Variants in DPT observed in about 807,000 individuals in gnomAD.
The protein encoded by DPT is tyrosine-rich acidic matrix protein.
In DPT, 21 loss-of-function variants were observed where a neutral mutation model predicts 31.2. The observed-to-expected ratio is 0.67, with a 90% CI of 0.48 to 0.97. DPT has a LOEUF of 0.97. Among genes scored for constraint, DPT ranks in the 50% least tolerant of loss-of-function variants. The pLI is 0.00. For missense variants in DPT, 262 were observed against 258.8 expected (o/e 1.01, Z -0.08); for synonymous variants, 91 against 86.9 (o/e 1.05, Z -0.26).
Position 168,695,853 on chromosome 1 carries a change from C to T in DPT, c.*696G>A, listed in dbSNP as rs1243144269. ...GTTTTTAATCTCATTTGAGAGTGATCCTCACGGGTTCCCCTGGCCCCTGCA... is the reference window on the plus strand; with the variant it reads ...GTTTTTAATCTCATTTGAGAGTGATTCTCACGGGTTCCCCTGGCCCCTGCA... On this transcript the variant is annotated 3_prime_UTR_variant, in exon 4 of 4. Transcript: ENST00000367817. 1 of 253,546 alleles carries T rather than the reference C, an allele frequency of 3.9e-6. No homozygotes were observed. Among genetic ancestry groups the T allele is most frequent in the Non-Finnish European group, 7.5e-6 (1 of 133,564 alleles). 15.7% of individuals were successfully genotyped at this position (253,546 alleles called of 1,614,324 possible). A position where few individuals can be genotyped will look rare whatever the true frequency, so the allele number is the denominator to read the frequency against.
At chr1:168,717,290 T>C (rs564051335) in intron 1 of DPT, among the ~76,000 whole-genome samples, 1 of 152,396 alleles carries the variant, frequency 6.6e-6, no homozygotes, top group South Asian at 2.1e-4. Flanking sequence ...TTGATTTGCA[T>C]TTCTCTAATG....
Position 168,728,912 on chromosome 1 carries a change from G to A in DPT, c.263C>T (p.Thr88Met), listed in dbSNP as rs200918644. 9.1e-5 allele frequency: 147 copies of A among 1,614,206 alleles called. No individual in the cohort carries two copies. Among genetic ancestry groups the A allele is most frequent in the African/African-American group, 2.4e-4 (18 of 75,044 alleles). ...GTTGATCTCCTCCCACCAGCACTCC[G>A]TGGGTTCCCCGAGGCTCTGTGGCGT... is the stretch of plus-strand genomic sequence containing the variant. ...MPTPQSLGEPTECWWEEINRA... is the reference protein window; with the variant it reads ...MPTPQSLGEPMECWWEEINRA... The change falls in exon 1 of 4, where the codon ACG becomes ATG. Residue 88 changes from threonine to methionine, a missense_variant. Transcript: ENST00000367817.
intron 1 of DPT, among the ~76,000 whole-genome samples, chr1:168,727,444 C>T (rs1336188031): frequency 1.3e-5 from 2 of 152,174 alleles, no homozygotes; most frequent in Non-Finnish European, 2.9e-5. Flanking sequence ...CCTGGCTCCC[C>T]CACCCATCGG....
At chr1:168,708,204 G>GT (rs966894514) in intron 2 of DPT, among the ~76,000 whole-genome samples, 3 of 151,928 alleles carry the variant, frequency 2.0e-5, no homozygotes, top group East Asian at 1.9e-4. Context: ...TATTTTTATT[G>GT]TTTTTTTCTG....
At chr1:168,704,325 A>T (rs1649667388) in intron 2 of DPT, among the ~76,000 whole-genome samples, 1 of 152,226 alleles carries the variant, frequency 6.6e-6, no homozygotes, top group African/African-American at 2.4e-5. Flanking sequence ...GCCTTTATTG[A>T]AATGAGTCTA....
intron 1 of DPT, among the ~76,000 whole-genome samples, 169 bp from the exon 2 acceptor site, chr1:168,714,515 C>A (rs771971095): frequency 5.9e-5 from 9 of 152,056 alleles, no homozygotes; most frequent in Non-Finnish European, 7.4e-5. Context: ...ATAACATAGC[C>A]CCTCCATTAA....
At position 168,714,204 on chromosome 1, in the gene DPT, TCGG is replaced by T. The variant is rs751201738; in HGVS notation, c.431+14_431+16del. On this transcript the variant is annotated intron_variant, in intron 2 of 3. Transcript: ENST00000367817. ...CACCCCAGGAGTCATGAGGGTTTGG[TCGG>T]CTGCCAGACTCACCAGCAGGAATAT... 6.2e-7 allele frequency: 1 copy of T among 1,614,006 alleles called. No individual in the cohort carries two copies. Among genetic ancestry groups the T allele is most frequent in the South Asian group, 1.1e-5 (1 of 91,072 alleles).
At chr1:168,708,973 A>T (rs1001569371) in intron 2 of DPT, among the ~76,000 whole-genome samples, 16 of 152,188 alleles carry the variant, frequency 1.1e-4, no homozygotes, top group Non-Finnish European at 1.5e-4. Flanking sequence ...ACAGGAATTT[A>T]AAAAAAGCAC....
At chr1:168,698,707 C>G (rs35012377) in intron 3 of DPT, among the ~76,000 whole-genome samples, 4,348 of 152,176 alleles carry the variant, frequency 0.029, 93 homozygotes, top group African/African-American at 0.045. Flanking sequence ...ATGCAAAGGA[C>G]AGACCCTGAA....
At position 168,696,135 on chromosome 1, in the gene DPT, C is replaced by T; in HGVS notation, c.*414G>A. The T allele has an allele frequency of 2.4e-6, 1 of 410,886 alleles. No homozygotes were observed. Among genetic ancestry groups the T allele is most frequent in the Non-Finnish European group, 4.3e-6 (1 of 233,360 alleles). 25.5% of individuals were successfully genotyped at this position (410,886 alleles called of 1,614,324 possible). On this transcript the variant is annotated 3_prime_UTR_variant, in exon 4 of 4. Transcript: ENST00000367817. ...CTACGTATCATTCAAACAGGCTTAGCTGTAGAGAACCTTCACTGCACCTCT... is the reference window on the plus strand; with the variant it reads ...CTACGTATCATTCAAACAGGCTTAGTTGTAGAGAACCTTCACTGCACCTCT...
At position 168,713,475 on chromosome 1, in the gene DPT, A is replaced by G. The variant is rs80137582; in HGVS notation, c.431+746T>C. On this transcript the variant is annotated intron_variant, in intron 2 of 3. Coordinates refer to ENST00000367817, the MANE Select transcript of DPT (RefSeq NM_001937.5). Reference sequence around the variant, plus strand: ...ATCACTTGAGGGAGCCAACCTTCACATGTTGACACTTCTGGATCCCCTTGC... The same window carrying G: ...ATCACTTGAGGGAGCCAACCTTCACGTGTTGACACTTCTGGATCCCCTTGC... Among the ~76,000 whole-genome samples, 717 of 152,302 alleles carry G rather than the reference A, an allele frequency of 4.7e-3. 6 individuals carry two copies. Among genetic ancestry groups the G allele is most frequent in the African/African-American group, 0.016 (665 of 41,564 alleles).
chr1:168,722,582 CCACGAT>C (rs1389740010), intron 1 of DPT, among the ~76,000 whole-genome samples: 6 of 152,156 alleles, frequency 3.9e-5, no homozygotes, highest in Non-Finnish European at 5.9e-5. Context: ...GAGCTTCTCA[CCACGAT>C]CACCATTTTA....
In DPT at chr1:168,728,853, C is replaced by G. The variant is rs1222783919; in HGVS notation, c.305+17G>C. ...AGATGTTCCCAGCCCCAGTGCAGTG[C>G]AGGGACTGGCCCTTACCATTCCATG... On this transcript the variant is annotated intron_variant, in intron 1 of 3. Coordinates refer to ENST00000367817, the MANE Select transcript of DPT (RefSeq NM_001937.5). 1 of 1,612,728 alleles carries G rather than the reference C, an allele frequency of 6.2e-7. No individual in the cohort carries two copies. The highest frequency in any genetic ancestry group is 1.1e-5 in the South Asian group (1 of 90,898).
chr1:168,725,254 T>TTTCCTTTCC (rs1557852197), intron 1 of DPT, among the ~76,000 whole-genome samples: 2 of 33,916 alleles, frequency 5.9e-5, no homozygotes, highest in African/African-American at 1.7e-4. Context: ...CTTTCCTTTC[T>TTTCCTTTCC]CTTTCCCTTC....
chr1:168,724,684 A>C (rs115939794), intron 1 of DPT, among the ~76,000 whole-genome samples: 1,641 of 152,234 alleles, frequency 0.011, 24 homozygotes, highest in African/African-American at 0.038. Flanking sequence ...TGAGTACTCA[A>C]TACTCAGAAC....
chr1:168,712,042 A>G (rs1464898381), intron 2 of DPT, among the ~76,000 whole-genome samples: 4 of 152,174 alleles, frequency 2.6e-5, no homozygotes, highest in Non-Finnish European at 5.9e-5. Flanking sequence ...ACCCTCCACA[A>G]TTATTAATGT....
intron 3 of DPT, among the ~76,000 whole-genome samples, chr1:168,700,809 G>A (rs539367092): frequency 1.6e-4 from 24 of 152,152 alleles, no homozygotes; most frequent in African/African-American, 5.8e-4. Flanking sequence ...TGACCAGGTA[G>A]GAAACTAAGA....
intron 3 of DPT, among the ~76,000 whole-genome samples, chr1:168,698,020 C>T (rs1204631806): frequency 6.6e-6 from 1 of 152,150 alleles, no homozygotes; most frequent in Non-Finnish European, 1.5e-5. Context: ...TTGGTGGGGT[C>T]CTTTACAAAC....
intron 1 of DPT, among the ~76,000 whole-genome samples, chr1:168,716,091 G>A (rs1289748213): frequency 6.6e-6 from 1 of 152,276 alleles, no homozygotes; most frequent in South Asian, 2.1e-4. Context: ...TGCTGAAAAT[G>A]AACTTGCAGA....
Sources: allele counts gnomAD v4.1 joint callset (sites outside exome capture counted in the v4.1 genomes callset), GRCh38; gene constraint gnomAD v4.1.1; transcripts MANE v1.5; gene names NCBI Gene and HGNC (gene_info 2026-07-23, HGNC 2026-07-21).